Variants in SCAPER observed in about 807,000 individuals in gnomAD.
SCAPER encodes S phase cyclin A-associated protein in the endoplasmic reticulum.
SCAPER carries 98 observed loss-of-function variants against 182.2 expected under a neutral mutation model. That is an observed-to-expected ratio of 0.54 (90% confidence interval 0.46 to 0.64). The LOEUF is 0.64. SCAPER is among the 30% of genes least tolerant of loss of function. The pLI, the probability that SCAPER is intolerant of heterozygous loss-of-function variation, is 0.00. For synonymous variants in SCAPER, 605 were observed against 564.6 expected, an observed-to-expected ratio of 1.07 and a Z score of -1.01; for missense variants, 1,432 against 1,690.0, an observed-to-expected ratio of 0.85 and a Z score of 2.68.
chr15:76,624,695 T>C (rs1023309647), intron 21 of SCAPER, among the ~76,000 whole-genome samples: 4 of 152,310 alleles, frequency 2.6e-5, no homozygotes, highest in African/African-American at 9.6e-5. Context: ...TTGCTGGGGA[T>C]GGGGACACCT....
At chr15:76,383,213 A>C (rs140342759) in intron 27 of SCAPER, among the ~76,000 whole-genome samples, 2 of 152,246 alleles carry the variant, frequency 1.3e-5, no homozygotes, top group East Asian at 3.9e-4. Flanking sequence ...CAGTCCTTGA[A>C]GAACTATGCT....
At chr15:76,893,180 G>A (rs1057034644) in intron 1 of SCAPER, among the ~76,000 whole-genome samples, 1 of 152,176 alleles carries the variant, frequency 6.6e-6, no homozygotes, top group Non-Finnish European at 1.5e-5. Flanking sequence ...CTGTCACTGG[G>A]TGGGGGGCTG....
At chr15:76,880,132 C>T (rs1447541665) in intron 2 of SCAPER, among the ~76,000 whole-genome samples, 1 of 152,206 alleles carries the variant, frequency 6.6e-6, no homozygotes, top group African/African-American at 2.4e-5. Context: ...ATGAAAATCT[C>T]TGAACACATT....
chr15:76,864,187 T>C lies in SCAPER; in HGVS notation c.7-1654A>G, dbSNP rs546895794. 1.6e-4 allele frequency among the ~76,000 whole-genome samples: 25 copies of C among 152,334 alleles called. No individual in the cohort carries two copies. The South Asian group carries it at 4.6e-3, about 28-fold the overall frequency. On this transcript the variant is annotated intron_variant, in intron 2 of 31. Transcript: ENST00000563290. ...ATACAGATATTAAAAACCGTGAGTT[T>C]ATACTGATTGATTTCAATCCTAAGC...
At chr15:76,694,527 T>C (rs1265372959) in intron 20 of SCAPER, among the ~76,000 whole-genome samples, 1 of 152,086 alleles carries the variant, frequency 6.6e-6, no homozygotes, top group South Asian at 2.1e-4. Context: ...TATACCTCAA[T>C]AAAGTTGGAA....
intron 17 of SCAPER, among the ~76,000 whole-genome samples, chr15:76,712,642 G>C (rs942217497): frequency 1.4e-5 from 2 of 143,190 alleles, no homozygotes; most frequent in African/African-American, 5.2e-5. Context: ...TCTCCTTGAA[G>C]AGGTCCTTCA....
intron 31 of SCAPER, chr15:76,350,359 G>C (rs2469554): frequency 0.12 from 15,793 of 133,938 alleles, 994 homozygotes; most frequent in African/African-American, 0.22. Flanking sequence ...GTCCACTGTA[G>C]AGGACTTTGT....
chr15:76,494,759 T>G (rs550244401), intron 24 of SCAPER, among the ~76,000 whole-genome samples: 1 of 152,176 alleles, frequency 6.6e-6, no homozygotes, highest in South Asian at 2.1e-4. Flanking sequence ...TGATAAGATA[T>G]TCTATCTTAT....
At chr15:76,877,839 G>T (rs2073274113) in intron 2 of SCAPER, among the ~76,000 whole-genome samples, 1 of 152,082 alleles carries the variant, frequency 6.6e-6, no homozygotes, top group African/African-American at 2.4e-5. Context: ...ACATCATTCA[G>T]ATAATGACAA....
intron 29 of SCAPER, among the ~76,000 whole-genome samples, chr15:76,357,664 G>A (rs539382557): frequency 6.6e-6 from 1 of 152,284 alleles, no homozygotes; most frequent in Admixed American, 6.5e-5. Context: ...ATTCACAATA[G>A]CAAAGAGATG....
chr15:76,366,119 ACACT>A (rs2041803514), intron 29 of SCAPER, among the ~76,000 whole-genome samples: 2 of 144,982 alleles, frequency 1.4e-5, no homozygotes, highest in Admixed American at 1.4e-4. Flanking sequence ...ACACACACAC[ACACT>A]ACTGGAAAGA....
chr15:76,493,871 A>G (rs1470730676), intron 24 of SCAPER, among the ~76,000 whole-genome samples: 1 of 152,228 alleles, frequency 6.6e-6, no homozygotes, highest in Non-Finnish European at 1.5e-5. Context: ...AAATGCCTCA[A>G]TATGTCAAAT....
intron 5 of SCAPER, among the ~76,000 whole-genome samples, chr15:76,813,009 A>T (rs59904565): frequency 0.33 from 49,871 of 151,402 alleles, 8,485 homozygotes; most frequent in East Asian, 0.56. Flanking sequence ...TATACACACA[A>T]AAATGCTCAA....
At chr15:76,609,934 C>G (rs2050829643) in intron 22 of SCAPER, among the ~76,000 whole-genome samples, 1 of 152,108 alleles carries the variant, frequency 6.6e-6, no homozygotes, top group Non-Finnish European at 1.5e-5. Flanking sequence ...GTTGGGTTTT[C>G]CCATTTCACC....
intron 23 of SCAPER, among the ~76,000 whole-genome samples, chr15:76,565,849 T>C (rs1435996514): frequency 6.6e-6 from 1 of 152,164 alleles, no homozygotes; most frequent in South Asian, 2.1e-4. Flanking sequence ...CATTTTACTT[T>C]GGGCTATATA....
intron 29 of SCAPER, among the ~76,000 whole-genome samples, chr15:76,362,662 C>T (rs1044858848): frequency 2.0e-5 from 3 of 152,082 alleles, no homozygotes; most frequent in South Asian, 2.1e-4. Flanking sequence ...CTACTCACCT[C>T]GGCCTCCCAA....
chr15:76,637,925 G>A (rs1170575796), intron 21 of SCAPER, among the ~76,000 whole-genome samples: 1 of 151,706 alleles, frequency 6.6e-6, no homozygotes, highest in African/African-American at 2.4e-5. Context: ...TCATTTGTAT[G>A]TCTTCTTTGG....
intron 15 of SCAPER, among the ~76,000 whole-genome samples, chr15:76,742,018 T>C (rs1380455825): frequency 6.6e-6 from 1 of 151,970 alleles, no homozygotes; most frequent in African/African-American, 2.4e-5. Flanking sequence ...TACGTTTAAC[T>C]AACAAAATAA....
chr15:76,814,116 C>T (rs572827373), intron 5 of SCAPER, among the ~76,000 whole-genome samples: 10 of 152,084 alleles, frequency 6.6e-5, no homozygotes, highest in East Asian at 1.9e-4. Context: ...TGCTGTGAGC[C>T]GAGATTACGC....
Sources: allele counts gnomAD v4.1 joint callset (sites outside exome capture counted in the v4.1 genomes callset), GRCh38; gene constraint gnomAD v4.1.1; transcripts MANE v1.5; gene names NCBI Gene and HGNC (gene_info 2026-07-23, HGNC 2026-07-21).